EPN1: variants seen among roughly 807,000 people sequenced by gnomAD.
EPN1 encodes the protein epsin 1, also known as epsin-1.
Under a neutral mutation model 56.9 loss-of-function variants are expected in EPN1, and 25 were observed. The observed-to-expected ratio is 0.44, with a 90% CI of 0.32 to 0.61. The LOEUF (loss-of-function observed/expected upper bound fraction) is 0.61. Among genes scored for constraint, EPN1 ranks in the 20% least tolerant of loss-of-function variants. The pLI is 0.05. For synonymous variants in EPN1, 411 were observed against 361.8 expected (o/e 1.14, Z -1.54); for missense variants, 785 against 823.7 (o/e 0.95, Z 0.58).
rs1986896378 is a variant in EPN1, at chr19:55,696,080, T to A, written c.*724T>A. 1 of 152,402 alleles carries A rather than the reference T, an allele frequency of 6.6e-6. No homozygotes were observed. The highest frequency in any genetic ancestry group is 1.5e-5 in the Non-Finnish European group (1 of 68,280). The allele number at this position is 152,402 out of a possible 1,614,324, so 9.4% of individuals were successfully genotyped here. On this transcript the variant is annotated 3_prime_UTR_variant, in exon 11 of 11. Transcript: ENST00000270460. ...ATGAGGTCAGAGAGTGCACTGGGGT[T>A]CAGGGAGGAGAAGAATCCTGAGAGA...
chr19:55,693,746 G>A (rs1228433060), intron 9 of EPN1, among the ~76,000 whole-genome samples: 2 of 152,172 alleles, frequency 1.3e-5, no homozygotes, highest in Non-Finnish European at 2.9e-5. Context: ...TGTTTCCACT[G>A]ATGAAAGGCT....
chr19:55,693,312 C>T (rs576690615), intron 9 of EPN1: 33 of 429,056 alleles, frequency 7.7e-5, no homozygotes, highest in East Asian at 5.0e-4. Flanking sequence ...TCTGCCTCCA[C>T]GTTGCTTGAG....
rs115657792 is a variant in EPN1, at chr19:55,688,011, C to T, written c.479-859C>T. 9.6e-3 allele frequency among the ~76,000 whole-genome samples: 1,462 copies of T among 152,254 alleles called. 23 individuals carry two copies. Among genetic ancestry groups the T allele is most frequent in the African/African-American group, 0.031 (1,289 of 41,536 alleles). ...AGTACAGGACACAGGTGCAAGGCGGCGTCTTGGAGCTGGAGCAGACAGAAC... is the reference window on the plus strand; with the variant it reads ...AGTACAGGACACAGGTGCAAGGCGGTGTCTTGGAGCTGGAGCAGACAGAAC... On this transcript the variant is annotated intron_variant, in intron 3 of 10. Transcript: ENST00000270460.
In EPN1 at chr19:55,685,438, C is replaced by T. The variant is rs1350802720; in HGVS notation, c.271C>T (p.Arg91Cys). 1.9e-6 allele frequency: 3 copies of T among 1,610,102 alleles called. No homozygotes were observed. Among genetic ancestry groups the T allele is most frequent in the Non-Finnish European group, 1.7e-6 (2 of 1,178,642 alleles). The change falls in exon 3 of 11, where the codon CGC (arginine) becomes TGC (cysteine). Residue 91 changes from arginine (R) to cysteine (C), a missense_variant. This residue lies in a region of EPN1 where 135 missense variants were observed against 218.7 expected (regional missense o/e 0.62). Coordinates refer to ENST00000270460, the MANE Select transcript of EPN1 (RefSeq NM_001130072.2). ...MEYLIKTGSE[R>C]VSQQCKENMY... ...GTACCTCATCAAGACCGGCTCGGAGCGCGTGTCGCAGCAGTGCAAGGAGAA... is the reference window on the plus strand; with the variant it reads ...GTACCTCATCAAGACCGGCTCGGAGTGCGTGTCGCAGCAGTGCAAGGAGAA...
rs1986114085 is a variant in EPN1 at position 55,685,600 on chromosome 19, G to T, written c.433G>T (p.Ala145Ser). 1.9e-6 allele frequency: 3 copies of T among 1,605,388 alleles called. No homozygotes were observed. Among genetic ancestry groups the T allele is most frequent in the Non-Finnish European group, 2.5e-6 (3 of 1,176,610 alleles). The change falls in exon 3 of 11, where the codon GCG (alanine) becomes TCG (serine). Residue 145 changes from alanine to serine, a missense_variant. Around this residue, in one of 2 missense-constraint regions of EPN1, gnomAD observed 135 missense variants for 218.7 expected, o/e 0.62. Transcript: ENST00000270460. ...CGAGGACCGGCTGCGGGAAGAGCGG[G>T]CGCACGCGCTCAAGACCAAGGAAAA... ...RDEDRLREER[A>S]HALKTKEKLA...
intron 2 of EPN1, among the ~76,000 whole-genome samples, chr19:55,684,223 G>A (rs1214045728): frequency 1.3e-5 from 2 of 152,166 alleles, no homozygotes; most frequent in Non-Finnish European, 2.9e-5. Flanking sequence ...CATCTTTCCT[G>A]GCAGATTTCT....
In EPN1 at chr19:55,694,046, G is replaced by C. The variant is rs1040152412; in HGVS notation, c.1265-680G>C. 6.6e-6 allele frequency: 1 copy of C among 151,914 alleles called. No homozygotes were observed. The highest frequency in any genetic ancestry group is 1.5e-5 in the Non-Finnish European group (1 of 68,002). 9.4% of individuals were successfully genotyped at this position (151,914 alleles called of 1,614,324 possible). ...GCCTGACCACCATGGCCAAAACTCCGTCTCTACTAAAAACACAAAATTATT... is the reference window on the plus strand; with the variant it reads ...GCCTGACCACCATGGCCAAAACTCCCTCTCTACTAAAAACACAAAATTATT... On this transcript the variant is annotated intron_variant, in intron 9 of 10. Transcript: ENST00000270460. The surrounding 1 kb of genome is among the most constrained non-coding windows in gnomAD (Gnocchi z 4.2).
At position 55,691,800 on chromosome 19, in the gene EPN1, C is replaced by T; in HGVS notation, c.809C>T (p.Ala270Val). Residue 270 changes from alanine to valine, a missense_variant, in exon 7 of 11, where the codon GCC (alanine) becomes GTC (valine). Around this residue, in one of 2 missense-constraint regions of EPN1, gnomAD observed 650 missense variants for 605.0 expected, o/e 1.07. Coordinates refer to ENST00000270460, the MANE Select transcript of EPN1 (RefSeq NM_001130072.2). The surrounding 1 kb of genome is among the most constrained non-coding windows in gnomAD (Gnocchi z 5.6). ...LADVFTAPAP[A>V]PTTDPWGGPA... ...GACGTCTTCACGGCCCCAGCTCCTGCCCCGACCACAGACCCCTGGGGGGGC... is the reference window on the plus strand; with the variant it reads ...GACGTCTTCACGGCCCCAGCTCCTGTCCCGACCACAGACCCCTGGGGGGGC... 1 of 1,612,582 alleles carries T rather than the reference C, an allele frequency of 6.2e-7. No individual in the cohort carries two copies. The highest frequency in any genetic ancestry group is 8.5e-7 in the Non-Finnish European group (1 of 1,179,230).
Position 55,695,121 on chromosome 19 carries a change from C to G in EPN1, c.1523-27C>G, listed in dbSNP as rs760203814. The G allele has an allele frequency of 2.5e-6, 4 of 1,613,114 alleles. No individual in the cohort carries two copies. In the African/African-American group the frequency reaches 4.0e-5, roughly 16 times the overall value. ...GTGGGCTGCGCCACTGACTCCACTCCGTGTCTCTGGTTTACTCTTCCTGCA... is the reference window on the plus strand; with the variant it reads ...GTGGGCTGCGCCACTGACTCCACTCGGTGTCTCTGGTTTACTCTTCCTGCA... On this transcript the variant is annotated intron_variant, in intron 10 of 10. Coordinates refer to ENST00000270460, the MANE Select transcript of EPN1 (RefSeq NM_001130072.2). This position sits in a 1 kb window ranked among gnomAD's most constrained non-coding sequence, Gnocchi z 4.4.
chr19:55,688,889 C>G lies in EPN1; in HGVS notation c.498C>G (p.Gly166=). The part of the protein sequence containing the change: ...QTATASSAAV[G]SGPPPEAEQA... The stretch of plus-strand genomic sequence containing the variant: ...CTCCAGCCTCATCAGCAGCTGTGGG[C>G]TCAGGCCCCCCTCCCGAGGCGGAGC... The change falls in exon 4 of 11, where the codon GGC becomes GGG. Residue 166 remains glycine (G), a synonymous_variant. Transcript: ENST00000270460. 2 of 1,579,086 alleles carry G rather than the reference C, an allele frequency of 1.3e-6. No homozygotes were observed. Among genetic ancestry groups the G allele is most frequent in the Non-Finnish European group, 1.7e-6 (2 of 1,162,918 alleles).
chr19:55,677,712 C>T, intron 1 of EPN1: 1 of 1,547,852 alleles, frequency 6.5e-7, no homozygotes. Context: ...TTCTGGCTTC[C>T]CCGGTTCTTC....
At chr19:55,676,801 G>A (rs1985463755) in intron 1 of EPN1, 1 of 174,736 alleles carries the variant, frequency 5.7e-6, no homozygotes, top group Non-Finnish European at 1.2e-5. Context: ...TTTCTTCCTT[G>A]GCCTCCTGCC....
chr19:55,695,232 G>A lies in EPN1; in HGVS notation c.1607G>A (p.Ser536Asn). The A allele has an allele frequency of 6.2e-7, 1 of 1,613,094 alleles. No individual in the cohort carries two copies. Among genetic ancestry groups the A allele is most frequent in the Non-Finnish European group, 8.5e-7 (1 of 1,179,788 alleles). Residue 536 changes from serine (S) to asparagine (N), a missense_variant, in exon 11 of 11, where the codon AGT (serine) becomes AAT (asparagine). Ser to Asn is a conservative substitution (Grantham distance 46, BLOSUM62 1). Transcript: ENST00000270460. The surrounding 1 kb of genome is among the most constrained non-coding windows in gnomAD (Gnocchi z 4.4). Reference sequence around the variant, plus strand: ...CTCACCCTGAACCAGCTCCGTCTCAGTCCTGTGCCTCCCGTCCCTGGAGCG... The same window carrying A: ...CTCACCCTGAACCAGCTCCGTCTCAATCCTGTGCCTCCCGTCCCTGGAGCG... Reference protein sequence around the residue: ...ATLTLNQLRLSPVPPVPGAPP... With the variant: ...ATLTLNQLRLNPVPPVPGAPP...
rs2122160992 is a variant in EPN1, at chr19:55,678,826, C to A, written c.199C>A (p.His67Asn). The change falls in exon 2 of 11, where the codon CAT becomes AAT. Residue 67 changes from histidine to asparagine, a missense_variant. Coordinates refer to ENST00000270460, the MANE Select transcript of EPN1 (RefSeq NM_001130072.2). Reference protein sequence around the residue: ...MSMIWKRLNDHGKNWRHVYKA... With the variant: ...MSMIWKRLNDNGKNWRHVYKA... ...CATGATCTGGAAGCGGCTCAATGACCATGGCAAGAACTGGCGTCACGTTTA... is the reference window on the plus strand; with the variant it reads ...CATGATCTGGAAGCGGCTCAATGACAATGGCAAGAACTGGCGTCACGTTTA... 1 of 1,613,132 alleles carries A rather than the reference C, an allele frequency of 6.2e-7. No homozygotes were observed. Among genetic ancestry groups the A allele is most frequent in the Non-Finnish European group, 8.5e-7 (1 of 1,179,276 alleles).
At chr19:55,681,167 C>T (rs1985793179) in intron 2 of EPN1, among the ~76,000 whole-genome samples, 1 of 152,220 alleles carries the variant, frequency 6.6e-6, no homozygotes, top group Non-Finnish European at 1.5e-5. Flanking sequence ...CCTTGCAGGC[C>T]TGGCTCTGCA....
intron 1 of EPN1, chr19:55,676,954 T>G: frequency 1.8e-6 from 1 of 570,822 alleles, no homozygotes; most frequent in Non-Finnish European, 3.0e-6. Flanking sequence ...TTCTCTGCAT[T>G]TGTTACATCA....
chr19:55,678,560 C>T lies in EPN1; in HGVS notation c.-68C>T, dbSNP rs768130917. ...ACCTGCCAGCACCTGCCGCAGCCTTCGTCCGGGAGTCGCCCCATCTCTCCA... is the reference window on the plus strand; with the variant it reads ...ACCTGCCAGCACCTGCCGCAGCCTTTGTCCGGGAGTCGCCCCATCTCTCCA... On this transcript the variant is annotated 5_prime_UTR_variant, in exon 2 of 11. Coordinates refer to ENST00000270460, the MANE Select transcript of EPN1 (RefSeq NM_001130072.2). 1.4e-5 allele frequency: 21 copies of T among 1,551,370 alleles called. No individual in the cohort carries two copies. Among genetic ancestry groups the T allele is most frequent in the African/African-American group, 4.1e-5 (3 of 73,386 alleles).
At chr19:55,683,154 C>G (rs767636708) in intron 2 of EPN1, among the ~76,000 whole-genome samples, 1 of 152,140 alleles carries the variant, frequency 6.6e-6, no homozygotes, top group Non-Finnish European at 1.5e-5. Flanking sequence ...CTCCCAAGAT[C>G]AAGCGATTCT....
At position 55,706,299 on chromosome 19, in the gene EPN1, T is replaced by TTTTTAA. The variant is rs1324277673; in HGVS notation, c.*10943_*10944insTTTTAA. 6.5e-6 allele frequency: 1 copy of TTTTTAA among 154,808 alleles called. No homozygotes were observed. Among genetic ancestry groups the TTTTTAA allele is most frequent in the African/African-American group, 2.5e-5 (1 of 39,260 alleles). 9.6% of individuals were successfully genotyped at this position (154,808 alleles called of 1,614,324 possible). On this transcript the variant is annotated 3_prime_UTR_variant, in exon 11 of 11. Coordinates refer to ENST00000270460, the MANE Select transcript of EPN1 (RefSeq NM_001130072.2). ...TTTCTTCTTCTTTTTTTTTTTTTTTTAAAAGACCGTGTTTCGCTCTGTCAC... is the reference window on the plus strand; with the variant it reads ...TTTCTTCTTCTTTTTTTTTTTTTTTTTTTTAAAAAAGACCGTGTTTCGCTCTGTCAC...
Sources: gnomAD v4.1 joint callset for allele counts (sites outside exome capture counted in the v4.1 genomes callset) on GRCh38, gnomAD v4.1.1 for gene constraint, gnomAD v4.1.1 regional missense constraint, Gnocchi (gnomAD v3.1) non-coding constraint, MANE v1.5 for transcripts, NCBI Gene and HGNC (gene_info 2026-07-23, HGNC 2026-07-21) for gene names.